Variants in CADM2 observed in about 807,000 individuals in gnomAD.
CADM2 encodes cell adhesion molecule 2.
Under a neutral mutation model 49.8 loss-of-function variants are expected in CADM2, and 12 were observed. The observed-to-expected ratio is 0.24, with a 90% CI of 0.15 to 0.39. The LOEUF (loss-of-function observed/expected upper bound fraction) is 0.39, where lower values mean the gene tolerates loss of function less well. CADM2 is among the 10% of genes least tolerant of loss of function. CADM2 has a pLI of 1.00. For missense variants in CADM2, 378 were observed against 492.3 expected, an observed-to-expected ratio of 0.77 and a Z score of 2.20; for synonymous variants, 214 against 175.4, an observed-to-expected ratio of 1.22 and a Z score of -1.74.
At chr3:85,055,393 A>C (rs1052273642) in intron 1 of CADM2, among the ~76,000 whole-genome samples, 2 of 152,038 alleles carry the variant, frequency 1.3e-5, no homozygotes, top group African/African-American at 4.8e-5. Context: ...CATATCATCA[A>C]GTTAATAAAA....
intron 3 of CADM2, among the ~76,000 whole-genome samples, chr3:85,816,909 C>T (rs2073243056): frequency 6.6e-6 from 1 of 152,054 alleles, no homozygotes; most frequent in Admixed American, 6.6e-5. Flanking sequence ...TTTTTTCACC[C>T]TCTCTTCAGG....
chr3:85,169,704 G>A (rs1459118755), intron 1 of CADM2, among the ~76,000 whole-genome samples: 4 of 152,126 alleles, frequency 2.6e-5, no homozygotes, highest in African/African-American at 4.8e-5. Flanking sequence ...CCCTGGAGAC[G>A]AAGGTTGCAG....
At chr3:85,394,084 C>T (rs1037247642) in intron 1 of CADM2, among the ~76,000 whole-genome samples, 1 of 152,070 alleles carries the variant, frequency 6.6e-6, no homozygotes, top group Non-Finnish European at 1.5e-5. Flanking sequence ...CGTAAGCCAC[C>T]GCGCCTGGCC....
intron 1 of CADM2, among the ~76,000 whole-genome samples, chr3:85,443,411 T>A (rs2037301060): frequency 6.6e-6 from 1 of 152,098 alleles, no homozygotes; most frequent in Admixed American, 6.6e-5. Context: ...CACTATTCTC[T>A]CCAGCCTCAT....
chr3:85,833,674 C>T (rs757994824), intron 3 of CADM2, among the ~76,000 whole-genome samples: 8 of 151,540 alleles, frequency 5.3e-5, no homozygotes, highest in South Asian at 2.1e-4. Flanking sequence ...CCCTTGTCAA[C>T]GACTAGTTGA....
intron 8 of CADM2, among the ~76,000 whole-genome samples, chr3:86,034,154 T>C (rs1321297174): frequency 2.0e-5 from 3 of 151,942 alleles, no homozygotes; most frequent in African/African-American, 7.2e-5. Context: ...TCAAAGGAAG[T>C]CTCATTTCTG....
At chr3:85,030,652 T>C (rs1407613469) in intron 1 of CADM2, among the ~76,000 whole-genome samples, 2 of 152,144 alleles carry the variant, frequency 1.3e-5, no homozygotes, top group Non-Finnish European at 2.9e-5. Flanking sequence ...CCATCTTACT[T>C]ATATTTATAT....
intron 8 of CADM2, among the ~76,000 whole-genome samples, chr3:86,023,423 C>A (rs574437645): frequency 6.6e-6 from 1 of 151,938 alleles, no homozygotes; most frequent in African/African-American, 2.4e-5. Flanking sequence ...GCTCTTGTTG[C>A]CCATGGCTCA....
At chr3:85,464,380 C>A (rs2038395009) in intron 1 of CADM2, among the ~76,000 whole-genome samples, 1 of 152,020 alleles carries the variant, frequency 6.6e-6, no homozygotes, top group Non-Finnish European at 1.5e-5. Flanking sequence ...AAAGAAATTC[C>A]ATCTGTCTCT....
At position 85,669,950 on chromosome 3, in the gene CADM2, A is replaced by G. The variant is rs973114387; in HGVS notation, c.62-56572A>G. Among the ~76,000 whole-genome samples the G allele has an allele frequency of 2.1e-5, 3 of 141,658 alleles. No individual in the cohort carries two copies. In the Admixed American group the frequency reaches 2.2e-4, roughly 10 times the overall value. The allele number at this position is 141,658 out of a possible 152,430, so 92.9% of individuals were successfully genotyped here. On this transcript the variant is annotated intron_variant, in intron 1 of 9. Transcript: ENST00000383699. ...GAGGGAAATATTGCCCTGGGACAGA[A>G]GAATCTTGGGTTCTTTTCTCAGTTA...
rs370003731 is a variant in CADM2 at position 85,328,569 on chromosome 3, G to A, written c.61+368901G>A. Among the ~76,000 whole-genome samples, 11 of 152,248 alleles carry A rather than the reference G, an allele frequency of 7.2e-5. 1 individual carries two copies. In the East Asian group the frequency reaches 9.7e-4, roughly 13 times the overall value. ...AGCAGGATGGCCAAATTATGACAGA[G>A]TTTTCTCTTCCAAATCAATCAACTT... On this transcript the variant is annotated intron_variant, in intron 1 of 9. Transcript: ENST00000383699.
At chr3:84,986,918 GGC>G (rs2032600226) in intron 1 of CADM2, among the ~76,000 whole-genome samples, 1 of 151,586 alleles carries the variant, frequency 6.6e-6, no homozygotes, top group African/African-American at 2.4e-5. Context: ...TGGGTGTGGT[GGC>G]GCATACCTGT....
intron 1 of CADM2, among the ~76,000 whole-genome samples, chr3:85,359,766 T>C (rs2032217940): frequency 6.8e-6 from 1 of 148,038 alleles, no homozygotes; most frequent in South Asian, 2.1e-4. Context: ...TTTCATTAAC[T>C]TTGTGTCTGC....
At chr3:85,559,277 C>T (rs958363270) in intron 1 of CADM2, among the ~76,000 whole-genome samples, 1 of 151,906 alleles carries the variant, frequency 6.6e-6, no homozygotes, top group South Asian at 2.1e-4. Context: ...TCTTAATATA[C>T]AATAGGAATT....
chr3:85,208,505 A>G (rs1456103555), intron 1 of CADM2, among the ~76,000 whole-genome samples: 1 of 152,106 alleles, frequency 6.6e-6, no homozygotes, highest in Non-Finnish European at 1.5e-5. Flanking sequence ...CAGGGGGTGA[A>G]GATTTTGCTG....
intron 1 of CADM2, among the ~76,000 whole-genome samples, chr3:85,427,708 C>T (rs2036478783): frequency 6.6e-6 from 1 of 152,082 alleles, no homozygotes. Flanking sequence ...CCAGCATTAT[C>T]ACCAACAAAT....
At chr3:85,929,410 C>A (rs892383717) in intron 6 of CADM2, among the ~76,000 whole-genome samples, 1 of 151,756 alleles carries the variant, frequency 6.6e-6, no homozygotes, top group African/African-American at 2.4e-5. Context: ...AGAAAAAATA[C>A]AAACTTTTTT....
At chr3:85,185,094 G>A (rs2041026309) in intron 1 of CADM2, among the ~76,000 whole-genome samples, 1 of 151,984 alleles carries the variant, frequency 6.6e-6, no homozygotes, top group Admixed American at 6.6e-5. Context: ...TGACATTTCT[G>A]AGACAATATA....
chr3:85,840,420 T>C (rs1253837962), intron 3 of CADM2, among the ~76,000 whole-genome samples: 1 of 151,884 alleles, frequency 6.6e-6, no homozygotes, highest in Admixed American at 6.6e-5. Context: ...ACATGTAGCC[T>C]TTTTATTTGC....
Sources: allele counts gnomAD v4.1 joint callset (sites outside exome capture counted in the v4.1 genomes callset), GRCh38; gene constraint gnomAD v4.1.1; transcripts MANE v1.5; gene names NCBI Gene and HGNC (gene_info 2026-07-23, HGNC 2026-07-21).